EHF: variants seen among roughly 807,000 people sequenced by gnomAD.
EHF encodes the protein ETS homologous factor, also known as ESE3 transcription factor.
Under a neutral mutation model 45.1 loss-of-function variants are expected in EHF, and 14 were observed. The ratio of observed to expected loss-of-function variants is 0.31; its 90% CI spans 0.21 to 0.49. The LOEUF (loss-of-function observed/expected upper bound fraction) is 0.49, where lower values mean the gene tolerates loss of function less well. EHF is among the 20% of genes least tolerant of loss of function. The pLI is 0.99. For synonymous variants in EHF, 136 were observed against 131.8 expected (o/e 1.03, Z -0.22); for missense variants, 282 against 371.4 (o/e 0.76, Z 1.98).
chr11:34,625,347 G>A (rs1349286050), intron 1 of EHF, among the ~76,000 whole-genome samples: 3 of 152,200 alleles, frequency 2.0e-5, no homozygotes, highest in Non-Finnish European at 2.9e-5. Flanking sequence ...AACAGCCTAT[G>A]CACAGGGGCA....
intron 1 of EHF, among the ~76,000 whole-genome samples, chr11:34,629,369 G>C (rs989186822): frequency 1.3e-5 from 2 of 152,156 alleles, no homozygotes; most frequent in African/African-American, 4.8e-5. Context: ...AATAAAGTCT[G>C]TTCTGGAAGG....
chr11:34,622,879 A>G (rs922331943), intron 1 of EHF, among the ~76,000 whole-genome samples: 1 of 152,222 alleles, frequency 6.6e-6, no homozygotes, highest in South Asian at 2.1e-4. Context: ...TTACAGAGGC[A>G]TTTTAAATGA....
Position 34,660,176 on chromosome 11 carries a change from C to G in EHF, c.*1245C>G, listed in dbSNP as rs998574808. On this transcript the variant is annotated 3_prime_UTR_variant, in exon 9 of 9. Transcript: ENST00000257831. Reference sequence around the variant, plus strand: ...TAGCTAGAGGAGCTTCTTTTCAGAACCCCAGATGAGAGCCAATGTCAGATA... The same window carrying G: ...TAGCTAGAGGAGCTTCTTTTCAGAAGCCCAGATGAGAGCCAATGTCAGATA... The G allele has an allele frequency of 6.6e-5, 10 of 152,070 alleles. No homozygotes were observed. Among genetic ancestry groups the G allele is most frequent in the African/African-American group, 1.9e-4 (8 of 41,404 alleles). The allele number at this position is 152,070 out of a possible 1,614,324, so 9.4% of individuals were successfully genotyped here. A position where few individuals can be genotyped will look rare whatever the true frequency, so the allele number is the denominator to read the frequency against.
At position 34,662,218 on chromosome 11, in the gene EHF, G is replaced by T. The variant is rs1423440150; in HGVS notation, c.*3287G>T. 6.6e-6 allele frequency among the ~76,000 whole-genome samples: 1 copy of T among 152,096 alleles called. No homozygotes were observed. Among genetic ancestry groups the T allele is most frequent in the Non-Finnish European group, 1.5e-5 (1 of 67,994 alleles). ...TGTCTTCTAAAAGACTCCTCTGATT[G>T]GGAGACCATATCTATAATTGGGATG... On this transcript the variant is annotated 3_prime_UTR_variant, in exon 9 of 9. Transcript: ENST00000257831.
At chr11:34,630,762 G>A (rs753112823) in intron 1 of EHF, among the ~76,000 whole-genome samples, 1 of 151,910 alleles carries the variant, frequency 6.6e-6, no homozygotes, top group Non-Finnish European at 1.5e-5. Context: ...CACTCCCTAC[G>A]CTGCTCATAA....
chr11:34,646,338 G>A, intron 2 of EHF, 101 bp from the exon 3 acceptor site: 1 of 1,555,522 alleles, frequency 6.4e-7, no homozygotes, highest in Non-Finnish European at 8.7e-7. Context: ...GACTGTGGTT[G>A]TGTCTCTGAG....
chr11:34,644,193 G>A (rs1854295337), intron 2 of EHF, among the ~76,000 whole-genome samples: 1 of 152,164 alleles, frequency 6.6e-6, no homozygotes, highest in Non-Finnish European at 1.5e-5. Flanking sequence ...GATTATTCTA[G>A]ATGTGCTGTT....
chr11:34,632,582 G>C (rs2134017735), intron 1 of EHF: 1 of 1,535,594 alleles, frequency 6.5e-7, no homozygotes, highest in Non-Finnish European at 8.7e-7. Context: ...TTCTGTGAAG[G>C]CAAGGGCATG....
intron 1 of EHF, among the ~76,000 whole-genome samples, chr11:34,624,593 A>T (rs946115061): frequency 1.3e-5 from 2 of 152,250 alleles, no homozygotes; most frequent in African/African-American, 2.4e-5. Context: ...TGCAGGAAAC[A>T]AACAGTGCAG....
At chr11:34,622,606 C>A (rs1852058625) in intron 1 of EHF, among the ~76,000 whole-genome samples, 2 of 152,170 alleles carry the variant, frequency 1.3e-5, no homozygotes, top group Non-Finnish European at 2.9e-5. Context: ...TTAAGGATGA[C>A]TTTAATAGCT....
chr11:34,648,614 T>C (rs990832103), intron 3 of EHF, among the ~76,000 whole-genome samples: 8 of 152,192 alleles, frequency 5.3e-5, no homozygotes, highest in Admixed American at 3.9e-4. Context: ...TATCTTAGTA[T>C]GGGAAAGCAC....
In EHF at chr11:34,656,937, G is replaced by A. The variant is rs1387992269; in HGVS notation, c.574G>A (p.Asp192Asn). 6.2e-7 allele frequency: 1 copy of A among 1,613,668 alleles called. No individual in the cohort carries two copies. Among genetic ancestry groups the A allele is most frequent in the Non-Finnish European group, 8.5e-7 (1 of 1,179,798 alleles). ...AESPDMKKEQ[D>N]PPAKCHTKKH... ...GTCACCTGATATGAAAAAGGAGCAA[G>A]ACCCCCCTGCCAAGTGCCACACCAA... The change falls in exon 7 of 9, where the codon GAC becomes AAC. Residue 192 changes from aspartate (D) to asparagine (N), a missense_variant. Around this residue, in one of 3 missense-constraint regions of EHF, gnomAD observed 213 missense variants for 247.3 expected, o/e 0.86. Coordinates refer to ENST00000257831, the MANE Select transcript of EHF (RefSeq NM_012153.6).
chr11:34,655,113 CA>C (rs1317035933), intron 6 of EHF, among the ~76,000 whole-genome samples: 1 of 152,152 alleles, frequency 6.6e-6, no homozygotes, highest in African/African-American at 2.4e-5. Flanking sequence ...AGTCTCCTTG[CA>C]TTTCCTGTGA....
intron 2 of EHF, 76 bp from the exon 3 acceptor site, chr11:34,646,363 A>T: frequency 1.3e-6 from 2 of 1,590,970 alleles, no homozygotes; most frequent in East Asian, 4.5e-5. Context: ...CTGGCAGCCA[A>T]CAGTACATCC....
chr11:34,652,248 A>T (rs982682542), intron 6 of EHF, among the ~76,000 whole-genome samples: 2 of 152,246 alleles, frequency 1.3e-5, no homozygotes, highest in African/African-American at 4.8e-5. Context: ...TTCTGGGTGA[A>T]GGGGTAGCCA....
intron 1 of EHF, among the ~76,000 whole-genome samples, chr11:34,640,736 G>A (rs1853917630): frequency 2.0e-5 from 3 of 152,170 alleles, no homozygotes. Context: ...GAATCAAAGA[G>A]CTTTTCAGAA....
At chr11:34,641,525 G>A (rs140130484) in intron 1 of EHF, among the ~76,000 whole-genome samples, 10 of 152,210 alleles carry the variant, frequency 6.6e-5, no homozygotes, top group Non-Finnish European at 1.3e-4. Context: ...GGTAATACCC[G>A]AGGATGCAAA....
At chr11:34,637,839 A>T (rs1853594828) in intron 1 of EHF, among the ~76,000 whole-genome samples, 1 of 152,166 alleles carries the variant, frequency 6.6e-6, no homozygotes, top group South Asian at 2.1e-4. Flanking sequence ...CTACCTATGA[A>T]AAAGGATAGG....
rs770051817 is a variant in EHF, at chr11:34,661,783, G to A, written c.*2852G>A. ...GCTCTCACTTGAGAAGCTCACCTGTGCTGAATGTCCACATGGTCACTAAAC... is the reference window on the plus strand; with the variant it reads ...GCTCTCACTTGAGAAGCTCACCTGTACTGAATGTCCACATGGTCACTAAAC... On this transcript the variant is annotated 3_prime_UTR_variant, in exon 9 of 9. Transcript: ENST00000257831. Among the ~76,000 whole-genome samples, 6 of 151,936 alleles carry A rather than the reference G, an allele frequency of 3.9e-5. No individual in the cohort carries two copies. The highest frequency in any genetic ancestry group is 7.4e-5 in the Non-Finnish European group (5 of 68,000).
Sources: gnomAD v4.1 joint callset for allele counts (sites outside exome capture counted in the v4.1 genomes callset) on GRCh38, gnomAD v4.1.1 for gene constraint, gnomAD v4.1.1 regional missense constraint, MANE v1.5 for transcripts, NCBI Gene and HGNC (gene_info 2026-07-23, HGNC 2026-07-21) for gene names.